NUP205: variants seen among roughly 807,000 people sequenced by gnomAD.
NUP205 encodes nucleoporin 205, also known as nuclear pore complex protein Nup205.
NUP205 carries 76 observed loss-of-function variants against 253.8 expected under a neutral mutation model. The observed-to-expected ratio is 0.30, with a 90% CI of 0.25 to 0.36. NUP205 has a LOEUF of 0.36. Ranked by LOEUF, NUP205 falls within the 10% of genes least tolerant of loss-of-function variation. NUP205 has a pLI of 1.00. For missense variants in NUP205, 2,162 were observed against 2,425.5 expected (o/e 0.89, Z 2.28); for synonymous variants, 832 against 850.1 (o/e 0.98, Z 0.37).
Position 135,625,308 on chromosome 7 carries a change from C to G in NUP205, c.4624C>G (p.Pro1542Ala). The G allele has an allele frequency of 6.2e-7, 1 of 1,612,608 alleles. No homozygotes were observed. Residue 1542 changes from proline to alanine, a missense_variant, in exon 32 of 43, where the codon CCA becomes GCA. Around this residue, in one of 5 missense-constraint regions of NUP205, gnomAD observed 1,144 missense variants for 1,280.9 expected, o/e 0.89. Transcript: ENST00000285968. ...DDRTLQSLLT[P>A]QPPLLKALYT... ...CCGTACTTTGCAGAGCTTACTCACC[C>G]CACAGCCTCCCCTTTTAAAAGCACT...
At chr7:135,567,136 A>ATATG (rs1805794485) in intron 1 of NUP205, among the ~76,000 whole-genome samples, 1 of 25,400 alleles carries the variant, frequency 3.9e-5, no homozygotes, top group East Asian at 1.4e-3. Context: ...GTGTATATAT[A>ATATG]TATATATATA....
rs764342881 is a variant in NUP205, at chr7:135,644,876, C to G, written c.5560-19C>G. 1.9e-6 allele frequency: 3 copies of G among 1,611,500 alleles called. No individual in the cohort carries two copies. In the South Asian group the frequency reaches 3.3e-5, roughly 18 times the overall value. ...CATTCCAGTTGATGTCATTCTAATA[C>G]CACATTTGTTTCTTCTAGTTGTGTC... On this transcript the variant is annotated intron_variant, in intron 39 of 42. Coordinates refer to ENST00000285968, the MANE Select transcript of NUP205 (RefSeq NM_015135.3).
intron 1 of NUP205, among the ~76,000 whole-genome samples, chr7:135,564,363 C>T (rs934395738): frequency 2.0e-5 from 3 of 151,692 alleles, no homozygotes; most frequent in African/African-American, 7.3e-5. Context: ...TCTCCTGCCC[C>T]GGCCTCCCAA....
chr7:135,614,518 T>C (rs1280437168), intron 23 of NUP205, among the ~76,000 whole-genome samples: 1 of 152,144 alleles, frequency 6.6e-6, no homozygotes. Flanking sequence ...AATTTAAAGA[T>C]TGTGTTGAAG....
In NUP205 at chr7:135,571,681, A is replaced by G. The variant is rs575685996; in HGVS notation, c.171+434A>G. On this transcript the variant is annotated intron_variant, in intron 2 of 42. Coordinates refer to ENST00000285968, the MANE Select transcript of NUP205 (RefSeq NM_015135.3). Reference sequence around the variant, plus strand: ...CATCATGGAGAATGGGGAGTCATTCATCCCCTCAAGCATTTATCCATTGTT... The same window carrying G: ...CATCATGGAGAATGGGGAGTCATTCGTCCCCTCAAGCATTTATCCATTGTT... Among the ~76,000 whole-genome samples, 76 of 152,298 alleles carry G rather than the reference A, an allele frequency of 5.0e-4. 2 individuals carry two copies. The South Asian group carries it at 0.014, about 29-fold the overall frequency.
intron 38 of NUP205, among the ~76,000 whole-genome samples, chr7:135,641,242 T>C (rs751681903): frequency 8.5e-5 from 13 of 152,208 alleles, no homozygotes; most frequent in Non-Finnish European, 1.5e-4. Context: ...CATTCAATCA[T>C]CCTCTTTGTG....
chr7:135,623,154 C>A (rs1794513034), intron 31 of NUP205, among the ~76,000 whole-genome samples: 1 of 151,938 alleles, frequency 6.6e-6, no homozygotes, highest in South Asian at 2.1e-4. Context: ...TGGCATGCAC[C>A]TGTAGTCCCA....
chr7:135,603,172 G>A (rs1401882888), intron 18 of NUP205, among the ~76,000 whole-genome samples, 178 bp downstream of exon 18: 2 of 134,112 alleles, frequency 1.5e-5, no homozygotes, highest in Non-Finnish European at 1.5e-5. Flanking sequence ...CTAGAGTGCA[G>A]TGGTATGATC....
intron 32 of NUP205, 62 bp downstream of exon 32, chr7:135,625,417 A>G (rs766400520): frequency 1.9e-4 from 223 of 1,157,692 alleles, no homozygotes; most frequent in Non-Finnish European, 2.6e-4. Context: ...CTATAGATGT[A>G]TTAAAGAAAA....
At chr7:135,623,151 C>T (rs1794510232) in intron 31 of NUP205, among the ~76,000 whole-genome samples, 1 of 152,060 alleles carries the variant, frequency 6.6e-6, no homozygotes, top group African/African-American at 2.4e-5. Flanking sequence ...TGGTGGCATG[C>T]ACCTGTAGTC....
intron 30 of NUP205, among the ~76,000 whole-genome samples, chr7:135,621,167 A>G (rs1231445244): frequency 6.6e-6 from 1 of 152,194 alleles, no homozygotes; most frequent in Non-Finnish European, 1.5e-5. Context: ...TGGTGGTTGT[A>G]TTTTATGCCA....
chr7:135,625,371 C>T lies in NUP205; in HGVS notation c.4671+16C>T, dbSNP rs1359970747. 6.5e-7 allele frequency: 1 copy of T among 1,547,594 alleles called. No individual in the cohort carries two copies. Among genetic ancestry groups the T allele is most frequent in the African/African-American group, 1.4e-5 (1 of 71,936 alleles). On this transcript the variant is annotated intron_variant, in intron 32 of 42. Coordinates refer to ENST00000285968, the MANE Select transcript of NUP205 (RefSeq NM_015135.3). ...ATCTAAAATGGTAAGGCTTTCTAGA[C>T]ATTTGATGTTAGATCAAGAAGTCGT...
intron 7 of NUP205, among the ~76,000 whole-genome samples, chr7:135,580,987 A>G (rs1806289347): frequency 6.6e-6 from 1 of 152,080 alleles, no homozygotes; most frequent in Non-Finnish European, 1.5e-5. Context: ...AATCTCTTTG[A>G]TTTTATATGC....
chr7:135,604,237 C>T (rs1168309806), intron 18 of NUP205, 103 bp from the exon 19 acceptor site: 21 of 883,496 alleles, frequency 2.4e-5, no homozygotes, highest in Non-Finnish European at 3.5e-5. Flanking sequence ...CCTTGAAGTG[C>T]TGTATGGGCA....
intron 35 of NUP205, among the ~76,000 whole-genome samples, chr7:135,633,738 C>T (rs531359269): frequency 3.3e-4 from 50 of 152,284 alleles, no homozygotes; most frequent in African/African-American, 1.1e-3. Flanking sequence ...CCACTGAACC[C>T]GGCCCCATTT....
chr7:135,624,501 G>A (rs1477637689), intron 31 of NUP205, among the ~76,000 whole-genome samples: 2 of 152,052 alleles, frequency 1.3e-5, no homozygotes, highest in East Asian at 1.9e-4. Flanking sequence ...TCAGCCTTCC[G>A]AGTAGCTCAG....
At chr7:135,624,582 C>T (rs1794543814) in intron 31 of NUP205, among the ~76,000 whole-genome samples, 1 of 151,816 alleles carries the variant, frequency 6.6e-6, no homozygotes, top group Non-Finnish European at 1.5e-5. Context: ...TTTCACCATC[C>T]TGGCCAGGTT....
In NUP205 at chr7:135,577,997, A is replaced by G. The variant is rs779362277; in HGVS notation, c.850A>G (p.Ile284Val). 7.4e-6 allele frequency: 12 copies of G among 1,613,440 alleles called. No individual in the cohort carries two copies. The South Asian group carries it at 1.1e-4, about 15-fold the overall frequency. Residue 284 changes from isoleucine to valine, a missense_variant, in exon 6 of 43, where the codon ATA (isoleucine) becomes GTA (valine). By Grantham distance (29) the Ile-to-Val change is conservative (BLOSUM62 3). Around this residue, in one of 5 missense-constraint regions of NUP205, gnomAD observed 892 missense variants for 957.1 expected, o/e 0.93. Coordinates refer to ENST00000285968, the MANE Select transcript of NUP205 (RefSeq NM_015135.3). ...TCTATACTGTTTTGATATCAGTTTT[A>G]TAGAGCAAAGCACAGAGGAACGAGA... is the stretch of plus-strand genomic sequence containing the variant. ...ALLYCFDISF[I>V]EQSTEERDDM...
intron 11 of NUP205, among the ~76,000 whole-genome samples, 158 bp from the exon 12 acceptor site, chr7:135,592,829 G>A (rs1050248220): frequency 3.3e-5 from 5 of 152,198 alleles, no homozygotes; most frequent in African/African-American, 1.2e-4. Flanking sequence ...AGAGGTTGCA[G>A]TGAGCTGAGA....
Sources: allele counts gnomAD v4.1 joint callset (sites outside exome capture counted in the v4.1 genomes callset), GRCh38; gene constraint gnomAD v4.1.1; regional missense constraint gnomAD v4.1.1; transcripts MANE v1.5; gene names NCBI Gene and HGNC (gene_info 2026-07-23, HGNC 2026-07-21).